Variants in EHD4 observed in about 807,000 individuals in gnomAD.
EHD4 encodes the protein EH domain containing 4.
Under a neutral mutation model 51.0 loss-of-function variants are expected in EHD4, and 37 were observed. That is an observed-to-expected ratio of 0.73 (90% CI 0.56 to 0.95). The LOEUF (loss-of-function observed/expected upper bound fraction) is 0.95, where lower values mean the gene tolerates loss of function less well. EHD4 is among the 40% of genes least tolerant of loss of function. The pLI, the probability that EHD4 is intolerant of heterozygous loss-of-function variation, is 0.00. For synonymous variants in EHD4, 297 were observed against 317.3 expected (o/e 0.94, Z 0.68); for missense variants, 632 against 733.1 (o/e 0.86, Z 1.59).
chr15:41,916,939 A>G (rs1027081163), intron 4 of EHD4, among the ~76,000 whole-genome samples: 3 of 152,186 alleles, frequency 2.0e-5, no homozygotes, highest in Non-Finnish European at 4.4e-5. Context: ...CTGCATCCAC[A>G]CAAGGGTTTT....
At chr15:41,933,898 C>T (rs776444768) in intron 3 of EHD4, among the ~76,000 whole-genome samples, 1 of 152,164 alleles carries the variant, frequency 6.6e-6, no homozygotes, top group African/African-American at 2.4e-5. Context: ...TCAGGCCTCA[C>T]GCCCTCCCTG....
At chr15:41,949,041 T>C (rs1015832534) in intron 2 of EHD4, among the ~76,000 whole-genome samples, 1 of 134,740 alleles carries the variant, frequency 7.4e-6, no homozygotes, top group Non-Finnish European at 1.6e-5. Flanking sequence ...TATATATATA[T>C]ATATATATAT....
intron 3 of EHD4, among the ~76,000 whole-genome samples, chr15:41,923,202 C>T (rs968525876): frequency 3.9e-5 from 6 of 152,172 alleles, no homozygotes; most frequent in Admixed American, 1.3e-4. Flanking sequence ...CTTTTTGTCT[C>T]TATGAATTTG....
At chr15:41,908,566 C>T (rs2140984016) in intron 5 of EHD4, 1 of 152,272 alleles carries the variant, frequency 6.6e-6, no homozygotes, top group East Asian at 1.9e-4. Flanking sequence ...TTTGTTTGTC[C>T]TACATAGTAT....
intron 3 of EHD4, among the ~76,000 whole-genome samples, chr15:41,926,696 C>T (rs1595535867): frequency 6.6e-6 from 1 of 152,362 alleles, no homozygotes; most frequent in East Asian, 1.9e-4. Context: ...AACAAATTCT[C>T]CATGACTAGC....
At chr15:41,922,308 G>C (rs1031052878) in intron 3 of EHD4, among the ~76,000 whole-genome samples, 147 of 152,258 alleles carry the variant, frequency 9.7e-4, no homozygotes, top group African/African-American at 3.3e-3. Flanking sequence ...AAGATCACTT[G>C]AGGCCAGGAG....
chr15:41,947,192 C>T (rs985601394), intron 2 of EHD4, among the ~76,000 whole-genome samples: 6 of 152,196 alleles, frequency 3.9e-5, no homozygotes, highest in Admixed American at 2.6e-4. Context: ...GGAACCACTG[C>T]TGTGTGGCAT....
chr15:41,938,690 G>A (rs2067747499), intron 3 of EHD4, among the ~76,000 whole-genome samples: 1 of 152,182 alleles, frequency 6.6e-6, no homozygotes, highest in Admixed American at 6.5e-5. Context: ...TTTTAAAAGG[G>A]AGAAGCTGTA....
chr15:41,933,800 AT>A lies in EHD4; in HGVS notation c.511+9266del, dbSNP rs2067713450. ...TTAAAAAAATTCCTTCTTTATTTTC[AT>A]TAGGGGTTCCTAAAAATCCTAGCTT... On this transcript the variant is annotated intron_variant, in intron 3 of 5. Transcript: ENST00000220325. Among the ~76,000 whole-genome samples, 5 of 152,304 alleles carry A rather than the reference AT, an allele frequency of 3.3e-5. No homozygotes were observed. In the South Asian group the frequency reaches 1.0e-3, roughly 32 times the overall value.
chr15:41,927,765 C>T (rs753401294), intron 3 of EHD4, among the ~76,000 whole-genome samples: 1 of 152,138 alleles, frequency 6.6e-6, no homozygotes, highest in Non-Finnish European at 1.5e-5. Flanking sequence ...TAGAGATTTG[C>T]GGAACCACAC....
intron 4 of EHD4, among the ~76,000 whole-genome samples, chr15:41,910,512 C>T (rs1032722541): frequency 6.6e-6 from 1 of 152,198 alleles, no homozygotes; most frequent in African/African-American, 2.4e-5. Context: ...AACATTTCCA[C>T]TCTTCTACTG....
intron 1 of EHD4, among the ~76,000 whole-genome samples, chr15:41,956,548 T>G (rs2067889613): frequency 6.6e-6 from 1 of 152,198 alleles, no homozygotes; most frequent in African/African-American, 2.4e-5. Context: ...ATGAAAAAAT[T>G]GTTTAAAGAA....
In EHD4 at chr15:41,972,357, G is replaced by C. The variant is rs772073305; in HGVS notation, c.138C>G (p.His46Gln). 2 of 1,611,346 alleles carry C rather than the reference G, an allele frequency of 1.2e-6. No homozygotes were observed. Among genetic ancestry groups the C allele is most frequent in the South Asian group, 2.2e-5 (2 of 90,708 alleles). Residue 46 changes from histidine to glutamine, a missense_variant, in exon 1 of 6, where the codon CAC becomes CAG. Coordinates refer to ENST00000220325, the MANE Select transcript of EHD4 (RefSeq NM_139265.4). ...CCTCCAGCGCAGGCGAGTGGAACTC[G>C]TGGAAGCGGTACGCCTCCTCCAGCG... ...VLPLEEAYRF[H>Q]EFHSPALEDA...
chr15:41,969,800 A>C (rs1011754350), intron 1 of EHD4, among the ~76,000 whole-genome samples: 1 of 152,160 alleles, frequency 6.6e-6, no homozygotes, highest in East Asian at 1.9e-4. Context: ...CTTTATTGCC[A>C]GTCAAAGGCA....
chr15:41,918,192 ACATAGCCAAT>A lies in EHD4; in HGVS notation c.924+1008_924+1017del, dbSNP rs1209600942. Among the ~76,000 whole-genome samples the A allele has an allele frequency of 2.0e-5, 3 of 151,208 alleles. No individual in the cohort carries two copies. In the East Asian group the frequency reaches 5.8e-4, roughly 29 times the overall value. On this transcript the variant is annotated intron_variant, in intron 4 of 5. Transcript: ENST00000220325. ...TGGCAGCATCCATACCATGACTGGC[ACATAGCCAAT>A]CACCCAGGGAGCTTTACACACACAC...
chr15:41,943,834 C>T (rs778316143), intron 2 of EHD4, among the ~76,000 whole-genome samples: 27 of 152,230 alleles, frequency 1.8e-4, no homozygotes, highest in Non-Finnish European at 2.9e-4. Context: ...AGCCCAGTGT[C>T]CCCTATGGCT....
chr15:41,942,832 TCATC>T (rs199796423), intron 3 of EHD4: 1 of 427,532 alleles, frequency 2.3e-6, no homozygotes, highest in Non-Finnish European at 4.4e-6. Flanking sequence ...ACCCCACTCC[TCATC>T]TTCATTTACT....
intron 3 of EHD4, among the ~76,000 whole-genome samples, chr15:41,941,369 G>A (rs2067768483): frequency 6.6e-6 from 1 of 152,146 alleles, no homozygotes; most frequent in Non-Finnish European, 1.5e-5. Context: ...AATGTGCATG[G>A]TAATCCCATT....
chr15:41,964,149 A>C (rs1208191333), intron 1 of EHD4, among the ~76,000 whole-genome samples: 20 of 147,994 alleles, frequency 1.4e-4, no homozygotes, highest in South Asian at 2.1e-4. Context: ...CATCTCAAAA[A>C]AAAAAAAAAA....
Sources: allele counts gnomAD v4.1 joint callset (sites outside exome capture counted in the v4.1 genomes callset), GRCh38; gene constraint gnomAD v4.1.1; transcripts MANE v1.5; gene names NCBI Gene and HGNC (gene_info 2026-07-23, HGNC 2026-07-21).